The following DNAH6 variants were observed in gnomAD, a reference collection of about 807,000 sequenced individuals.
The protein encoded by DNAH6 is axonemal beta dynein heavy chain 6.
In DNAH6, 340 loss-of-function variants were observed where a neutral mutation model predicts 491.4. The observed-to-expected ratio is 0.69, with a 90% CI of 0.63 to 0.76. DNAH6 has a LOEUF of 0.76. DNAH6 is among the 30% of genes least tolerant of loss of function. The probability of loss-of-function intolerance (pLI) is 0.00; values close to 1 mark genes in which losing one functional copy is unlikely to be tolerated. For missense variants in DNAH6, 4,443 were observed against 4,972.2 expected (o/e 0.89, Z 3.20); for synonymous variants, 1,603 against 1,686.1 (o/e 0.95, Z 1.21).
At chr2:84,490,483 C>A in the DNAH6 span, among the ~76,000 whole-genome samples, 3 of 152,130 alleles carry the variant, frequency 2.0e-5, no homozygotes, top group African/African-American at 7.2e-5. Flanking sequence ...CCTCTTACCT[C>A]CAACCATTGG....
chr2:84,607,011 T>C lies in DNAH6; in HGVS notation c.3210T>C (p.Thr1070=). 6.4e-7 allele frequency: 1 copy of C among 1,551,444 alleles called. No individual in the cohort carries two copies. Among genetic ancestry groups the C allele is most frequent in the Non-Finnish European group, 8.7e-7 (1 of 1,146,802 alleles). ...ATGATAGCACCATCAATGTTGCAAC[T>C]CTTGCCTCATCACGTTACCTTGGTC... ...LLDDSTINVA[T]LASSRYLGPL... Residue 1070 remains threonine (T), a synonymous_variant, in exon 21 of 77, where the codon ACT becomes ACC. Coordinates refer to ENST00000389394, the MANE Select transcript of DNAH6 (RefSeq NM_001370.2).
At chr2:84,473,232 G>A in the DNAH6 span, among the ~76,000 whole-genome samples, 1 of 152,190 alleles carries the variant, frequency 6.6e-6, no homozygotes, top group African/African-American at 2.4e-5. Context: ...CCATTCTTGG[G>A]AATTAACATA....
chr2:84,702,931 A>G (rs532558273), intron 49 of DNAH6, among the ~76,000 whole-genome samples: 1 of 152,190 alleles, frequency 6.6e-6, no homozygotes, highest in South Asian at 2.1e-4. Flanking sequence ...AGAGTTTTCT[A>G]CCACAGGGAA....
intron 64 of DNAH6, among the ~76,000 whole-genome samples, chr2:84,766,266 C>T (rs894395991): frequency 2.0e-5 from 3 of 152,118 alleles, no homozygotes; most frequent in African/African-American, 7.2e-5. Flanking sequence ...TTTCAAGTAT[C>T]CATGGAACAT....
intron 64 of DNAH6, among the ~76,000 whole-genome samples, chr2:84,766,950 G>A (rs1675130871): frequency 6.6e-6 from 1 of 152,128 alleles, no homozygotes; most frequent in African/African-American, 2.4e-5. Context: ...TTGTGGAAGA[G>A]GTGAAGATGA....
the DNAH6 span, among the ~76,000 whole-genome samples, chr2:84,507,284 C>A: frequency 6.6e-6 from 1 of 152,174 alleles, no homozygotes; most frequent in Non-Finnish European, 1.5e-5. Flanking sequence ...TCCTTCACGT[C>A]CCCTGTAAGT....
chr2:84,647,029 T>G (rs921735769), intron 33 of DNAH6, among the ~76,000 whole-genome samples: 2 of 152,084 alleles, frequency 1.3e-5, no homozygotes, highest in African/African-American at 4.8e-5. Flanking sequence ...GTATTTTTGG[T>G]AGAGACAGAG....
chr2:84,722,541 C>G, intron 59 of DNAH6, 84 bp from the exon 60 acceptor site: 1 of 1,197,702 alleles, frequency 8.3e-7, no homozygotes, highest in Non-Finnish European at 1.2e-6. Flanking sequence ...TATTTCTTCC[C>G]TAGACCTAAC....
In DNAH6 at chr2:84,713,250, T is replaced by A. The variant is rs758606155; in HGVS notation, c.9534T>A (p.Tyr3178Ter). The A allele has an allele frequency of 1.3e-6, 2 of 1,551,986 alleles. No individual in the cohort carries two copies. Among genetic ancestry groups the A allele is most frequent in the African/African-American group, 2.7e-5 (2 of 73,046 alleles). The change falls in exon 57 of 77, where the codon TAT becomes TAA. Residue 3178 changes from tyrosine to a stop codon, truncating the protein, a stop_gained. Transcript: ENST00000389394. LOFTEE classifies it high-confidence loss of function. ...CAACCAAAATGCCAAATCCCCACTATCTGCCTGAGGTATGAACTACTGGTC... is the reference window on the plus strand; with the variant it reads ...CAACCAAAATGCCAAATCCCCACTAACTGCCTGAGGTATGAACTACTGGTC... ...YMTTKMPNPH[Y>*]LPEVCIKVTI...
At chr2:84,708,330 A>G (rs1696672747) in intron 54 of DNAH6, among the ~76,000 whole-genome samples, 2 of 151,668 alleles carry the variant, frequency 1.3e-5, no homozygotes, top group South Asian at 4.2e-4. Context: ...CTGTGATCCT[A>G]GCTACTGGGG....
chr2:84,668,099 G>T (rs1345432770), intron 37 of DNAH6, among the ~76,000 whole-genome samples: 1 of 152,304 alleles, frequency 6.6e-6, no homozygotes, highest in African/African-American at 2.4e-5. Flanking sequence ...GTGGGGCGGG[G>T]GGAGGTGGGA....
In DNAH6 at chr2:84,549,972, T is replaced by TC; in HGVS notation, c.1401dup (p.Thr468HisfsTer2). 6.2e-7 allele frequency: 1 copy of TC among 1,613,978 alleles called. No homozygotes were observed. The highest frequency in any genetic ancestry group is 8.5e-7 in the Non-Finnish European group (1 of 1,179,914). ...GCTGTTAATTCGCTTTTGAACCATC[T>TC]CACTGACAAGCTAAAACGAACACCT... On this transcript the variant is annotated frameshift_variant, in exon 9 of 77. Transcript: ENST00000389394. LOFTEE classifies it high-confidence loss of function.
intron 15 of DNAH6, among the ~76,000 whole-genome samples, chr2:84,585,927 G>A (rs937304025): frequency 6.6e-6 from 1 of 152,188 alleles, no homozygotes; most frequent in Admixed American, 6.5e-5. Flanking sequence ...TGGCAGCCCA[G>A]CCCCCAGCCT....
intron 2 of DNAH6, among the ~76,000 whole-genome samples, chr2:84,524,546 TAA>T (rs747205889): frequency 3.2e-4 from 48 of 152,232 alleles, no homozygotes; most frequent in Middle Eastern, 6.8e-3. Flanking sequence ...TCTATATACT[TAA>T]GTGTGTTTTT....
intron 22 of DNAH6, among the ~76,000 whole-genome samples, chr2:84,616,301 G>A (rs1686852573): frequency 6.6e-6 from 1 of 151,936 alleles, no homozygotes. Flanking sequence ...CACTATTATT[G>A]TGTTGTTGTC....
chr2:84,665,882 A>G (rs1692073098), intron 37 of DNAH6, among the ~76,000 whole-genome samples: 1 of 152,200 alleles, frequency 6.6e-6, no homozygotes, highest in African/African-American at 2.4e-5. Flanking sequence ...ATCCAGCAGC[A>G]CATCAAAAAG....
intron 71 of DNAH6, among the ~76,000 whole-genome samples, chr2:84,806,618 CAAAAAAAAAAAAAAA>C (rs1162301447): frequency 1.6e-3 from 63 of 38,504 alleles, no homozygotes; most frequent in African/African-American, 5.7e-3. Flanking sequence ...GACTCAGTCT[CAAAAAAAAAAAAAAA>C]AAAAAAAAAG....
chr2:84,603,569 T>G (rs914069528), intron 18 of DNAH6, among the ~76,000 whole-genome samples: 2 of 152,248 alleles, frequency 1.3e-5, no homozygotes, highest in Admixed American at 1.3e-4. Flanking sequence ...ATGTTCTCAT[T>G]AAACCTTCAT....
At chr2:84,807,536 T>C (rs1056720762) in intron 71 of DNAH6, among the ~76,000 whole-genome samples, 4 of 152,240 alleles carry the variant, frequency 2.6e-5, no homozygotes, top group African/African-American at 9.6e-5. Context: ...GTCTCTCTCC[T>C]GTCTCAGTCT....
Sources: allele counts gnomAD v4.1 joint callset (sites outside exome capture counted in the v4.1 genomes callset), GRCh38; gene constraint gnomAD v4.1.1; transcripts MANE v1.5; gene names NCBI Gene and HGNC (gene_info 2026-07-23, HGNC 2026-07-21).